The following SNX10 variants were observed in gnomAD, a reference collection of about 807,000 sequenced individuals.
The protein encoded by SNX10 is sorting nexin 10, also known as sorting nexin-10.
In SNX10, 25 loss-of-function variants were observed where a neutral mutation model predicts 28.5. The observed-to-expected ratio is 0.88, with a 90% CI of 0.64 to 1.22. The LOEUF is 1.22. Among genes scored for constraint, SNX10 ranks in the 50% most tolerant of loss-of-function variants. SNX10 has a pLI of 0.00. For missense variants in SNX10, 223 were observed against 242.6 expected, an observed-to-expected ratio of 0.92 and a Z score of 0.54; for synonymous variants, 62 against 81.4, an observed-to-expected ratio of 0.76 and a Z score of 1.28.
intron 1 of SNX10, among the ~76,000 whole-genome samples, chr7:26,300,216 TAAATAA>T (rs1476608448): frequency 6.6e-6 from 1 of 151,522 alleles, no homozygotes; most frequent in East Asian, 1.9e-4. Flanking sequence ...GTCTCAAAAA[TAAATAA>T]AAATAAAACA....
chr7:26,361,190 C>T, intron 3 of SNX10, 129 bp downstream of exon 3: 4 of 919,110 alleles, frequency 4.4e-6, no homozygotes, highest in Non-Finnish European at 6.1e-6. Flanking sequence ...ACAACTAATG[C>T]TTTTATCTTA....
intron 2 of SNX10, among the ~76,000 whole-genome samples, chr7:26,355,318 A>C (rs1350195856): frequency 6.6e-6 from 1 of 152,128 alleles, no homozygotes; most frequent in Non-Finnish European, 1.5e-5. Context: ...TTCCCTTTCC[A>C]TATAAATTTT....
intron 5 of SNX10, among the ~76,000 whole-genome samples, chr7:26,369,491 C>A (rs1584181076): frequency 1.3e-5 from 2 of 152,214 alleles, no homozygotes; most frequent in South Asian, 4.1e-4. Context: ...CATATAAATA[C>A]ATTTAAAAAT....
intron 1 of SNX10, among the ~76,000 whole-genome samples, chr7:26,302,504 C>T (rs746382690): frequency 2.0e-5 from 3 of 152,180 alleles, no homozygotes; most frequent in Non-Finnish European, 2.9e-5. Flanking sequence ...TCCTCTTTCA[C>T]GTTTTTGTAC....
chr7:26,369,827 T>C (rs565321874), intron 5 of SNX10, among the ~76,000 whole-genome samples: 1 of 152,332 alleles, frequency 6.6e-6, no homozygotes, highest in South Asian at 2.1e-4. Flanking sequence ...ACAGTAGCCT[T>C]GAGGTCCCGA....
chr7:26,352,971 TTAC>T (rs2128016238), intron 2 of SNX10, among the ~76,000 whole-genome samples: 1 of 152,136 alleles, frequency 6.6e-6, no homozygotes. Flanking sequence ...CAATTATTTC[TTAC>T]TGCAGAAGAG....
intron 1 of SNX10, among the ~76,000 whole-genome samples, chr7:26,307,950 A>G (rs1030658558): frequency 6.6e-6 from 1 of 152,170 alleles, no homozygotes; most frequent in Non-Finnish European, 1.5e-5. Flanking sequence ...CCCATCCCAG[A>G]TGAATCACTG....
intron 5 of SNX10, among the ~76,000 whole-genome samples, chr7:26,365,630 G>A (rs563713868): frequency 7.2e-5 from 11 of 152,274 alleles, no homozygotes; most frequent in East Asian, 1.9e-4. Flanking sequence ...ATTTGGTGGC[G>A]TGTGAACAGT....
intron 1 of SNX10, chr7:26,292,937 T>G (rs1037453351): frequency 6.6e-6 from 1 of 152,318 alleles, no homozygotes; most frequent in Non-Finnish European, 1.5e-5. Flanking sequence ...CCCGGAGTTA[T>G]GTCCACCTCT....
At chr7:26,313,677 C>T (rs1196333532) in intron 1 of SNX10, among the ~76,000 whole-genome samples, 1 of 152,092 alleles carries the variant, frequency 6.6e-6, no homozygotes, top group African/African-American at 2.4e-5. Context: ...TGTTTGTCCC[C>T]ACATTCTCTC....
chr7:26,337,157 G>C (rs1787974024), intron 1 of SNX10, among the ~76,000 whole-genome samples: 1 of 152,126 alleles, frequency 6.6e-6, no homozygotes, highest in Non-Finnish European at 1.5e-5. Context: ...TATGGTACTT[G>C]TTTTTATTTG....
At chr7:26,350,369 AGG>A (rs1450110807) in intron 2 of SNX10, among the ~76,000 whole-genome samples, 1 of 152,126 alleles carries the variant, frequency 6.6e-6, no homozygotes, top group Non-Finnish European at 1.5e-5. Flanking sequence ...GAGAGCCGGC[AGG>A]GAGGGATGTG....
chr7:26,320,806 A>G (rs868379122), intron 1 of SNX10, among the ~76,000 whole-genome samples: 15 of 152,212 alleles, frequency 9.9e-5, no homozygotes, highest in African/African-American at 2.4e-5. Flanking sequence ...GCTATTGTTC[A>G]GCCATTTGCT....
intron 1 of SNX10, among the ~76,000 whole-genome samples, chr7:26,336,836 G>A (rs1584134981): frequency 6.6e-6 from 1 of 151,934 alleles, no homozygotes; most frequent in African/African-American, 2.4e-5. Flanking sequence ...TTTCTACTCC[G>A]CTTATGGACG....
intron 1 of SNX10, among the ~76,000 whole-genome samples, chr7:26,319,621 A>T (rs764832037): frequency 1.1e-4 from 16 of 152,220 alleles, no homozygotes; most frequent in Non-Finnish European, 2.1e-4. Flanking sequence ...ATCTGGATTT[A>T]TCTTCAGCTG....
chr7:26,295,720 C>T (rs1385269317), intron 1 of SNX10, among the ~76,000 whole-genome samples: 1 of 152,164 alleles, frequency 6.6e-6, no homozygotes, highest in African/African-American at 2.4e-5. Flanking sequence ...ATGCATGAGG[C>T]CAGCAAAGCT....
At chr7:26,348,066 C>T (rs1442495745) in intron 2 of SNX10, among the ~76,000 whole-genome samples, 1 of 152,150 alleles carries the variant, frequency 6.6e-6, no homozygotes, top group Non-Finnish European at 1.5e-5. Context: ...AGACATGAGC[C>T]ACTGATCATG....
intron 1 of SNX10, among the ~76,000 whole-genome samples, chr7:26,335,735 CTTTTTTTTTTTTTTTT>C (rs57340085): frequency 2.4e-5 from 2 of 84,254 alleles, no homozygotes; most frequent in Non-Finnish European, 4.6e-5. Flanking sequence ...ATGGAATATT[CTTTTTTTTTTTTTTTT>C]TTTTTTTTTT....
rs202220193 is a variant in SNX10, at chr7:26,352,689, TTAAA to T, written c.24+6227_24+6230del. Among the ~76,000 whole-genome samples the T allele has an allele frequency of 7.3e-3, 1,106 of 152,330 alleles. 12 individuals are homozygous for T. The highest frequency in any genetic ancestry group is 0.025 in the African/African-American group (1,057 of 41,564). ...AAAAAATGAACCACATAATCACATG[TTAAA>T]TAATTAAACAATTCCTTCATATCAT... On this transcript the variant is annotated intron_variant, in intron 2 of 6. Transcript: ENST00000338523.
Sources: gnomAD v4.1 joint callset for allele counts (sites outside exome capture counted in the v4.1 genomes callset) on GRCh38, gnomAD v4.1.1 for gene constraint, MANE v1.5 for transcripts, NCBI Gene and HGNC (gene_info 2026-07-23, HGNC 2026-07-21) for gene names.